VPS52: variants seen among roughly 807,000 people sequenced by gnomAD.
VPS52 encodes the protein vacuolar protein sorting-associated protein 52 homolog.
VPS52 carries 56 observed loss-of-function variants against 98.7 expected under a neutral mutation model. That is an observed-to-expected ratio of 0.57 (90% CI 0.46 to 0.71). VPS52 has a LOEUF of 0.71. Ranked by LOEUF, VPS52 falls within the 30% of genes least tolerant of loss-of-function variation. VPS52 has a pLI of 0.00. For missense variants in VPS52, 742 were observed against 925.9 expected, an observed-to-expected ratio of 0.80 and a Z score of 2.58; for synonymous variants, 348 against 346.4, an observed-to-expected ratio of 1.00 and a Z score of -0.05.
intron 1 of VPS52, 136 bp from the exon 2 acceptor site, chr6:33,270,419 AAG>A (rs1764875451): frequency 3.8e-6 from 3 of 779,886 alleles, no homozygotes; most frequent in Non-Finnish European, 6.2e-6. Context: ...GAAAAATTCT[AAG>A]AGTCTCACGT....
chr6:33,262,206 G>A (rs1224831637), intron 17 of VPS52, among the ~76,000 whole-genome samples: 3 of 151,936 alleles, frequency 2.0e-5, no homozygotes, highest in Non-Finnish European at 4.4e-5. Context: ...TTAAAAAATG[G>A]GCAAAAGATT....
intron 17 of VPS52, chr6:33,254,625 C>A (rs1762712610): frequency 6.6e-6 from 1 of 152,054 alleles, no homozygotes; most frequent in Non-Finnish European, 1.5e-5. Context: ...GATATATACA[C>A]CTGATTTTGA....
intron 4 of VPS52, 23 bp from the exon 5 acceptor site, chr6:33,269,580 G>A: frequency 6.2e-7 from 1 of 1,602,698 alleles, no homozygotes; most frequent in Non-Finnish European, 8.5e-7. Flanking sequence ...AAGTCAAGGG[G>A]CCTCATGGTG....
At chr6:33,271,505 C>G in intron 1 of VPS52, 81 bp downstream of exon 1, 1 of 1,545,254 alleles carries the variant, frequency 6.5e-7, no homozygotes, top group Non-Finnish European at 8.8e-7. Context: ...AAGTTCCCAC[C>G]CTTGTGCCTA....
chr6:33,264,718 C>T (rs751483385), intron 13 of VPS52, 64 bp downstream of exon 13: 1 of 1,511,642 alleles, frequency 6.6e-7, no homozygotes, highest in Non-Finnish European at 9.2e-7. Context: ...AAGGTCAGGG[C>T]AGAGTCATGC....
chr6:33,250,840 A>C lies in VPS52; in HGVS notation c.*1T>G. The stretch of plus-strand genomic sequence containing the variant: ...CAGATCTCAGGGCGGTTTCTGGCAC[A>C]TCAGAAGTTGGGCTTATGCTTCTTG... On this transcript the variant is annotated 3_prime_UTR_variant, in exon 20 of 20. Coordinates refer to ENST00000445902, the MANE Select transcript of VPS52 (RefSeq NM_022553.6). The C allele has an allele frequency of 6.2e-7, 1 of 1,610,238 alleles. No individual in the cohort carries two copies. The highest frequency in any genetic ancestry group is 1.3e-5 in the African/African-American group (1 of 74,966).
chr6:33,260,184 T>A (rs192555643), intron 17 of VPS52, among the ~76,000 whole-genome samples: 1 of 152,044 alleles, frequency 6.6e-6, no homozygotes, highest in African/African-American at 2.4e-5. Flanking sequence ...GATTCTGGGG[T>A]TTTTTGTTTT....
intron 17 of VPS52, among the ~76,000 whole-genome samples, chr6:33,257,931 C>A (rs1055374433): frequency 1.3e-5 from 2 of 152,138 alleles, no homozygotes; most frequent in African/African-American, 4.8e-5. Context: ...AGGAGGGTTG[C>A]CTGAGCCCAG....
rs1442363744 is a variant in VPS52 at position 33,268,374 on chromosome 6, C to G, written c.699+125G>C. The G allele has an allele frequency of 1.4e-6, 2 of 1,380,950 alleles. No homozygotes were observed. Among genetic ancestry groups the G allele is most frequent in the African/African-American group, 2.9e-5 (2 of 69,154 alleles). The allele number at this position is 1,380,950 out of a possible 1,614,324, so 85.5% of individuals were successfully genotyped here. A position where few individuals can be genotyped will look rare whatever the true frequency, so the allele number is the denominator to read the frequency against. ...ACCCAGAGAGACAAGAATGGGGCTG[C>G]CCAGAAAAGGCAGGGTGAAGTCCCT... On this transcript the variant is annotated intron_variant, in intron 7 of 19. Transcript: ENST00000445902. This position sits in a 1 kb window ranked among gnomAD's most constrained non-coding sequence, Gnocchi z 4.0.
intron 12 of VPS52, among the ~76,000 whole-genome samples, chr6:33,265,758 C>T (rs1478881051): frequency 2.6e-5 from 4 of 152,084 alleles, no homozygotes; most frequent in Non-Finnish European, 5.9e-5. Context: ...ATTTGGGGGA[C>T]CCTCAGTTTT....
In VPS52 at chr6:33,267,447, C is replaced by T. The variant is rs536842723; in HGVS notation, c.992-126G>A. The T allele has an allele frequency of 1.3e-5, 18 of 1,426,426 alleles. No individual in the cohort carries two copies. The highest frequency in any genetic ancestry group is 4.7e-5 in the East Asian group (2 of 42,870). The allele number at this position is 1,426,426 out of a possible 1,614,324, so 88.4% of individuals were successfully genotyped here. Reference sequence around the variant, plus strand: ...CCTCTTTCCCAGTACTAGGGCCCCACGTGCTGACATCTGTGAATGGGCTTC... The same window carrying T: ...CCTCTTTCCCAGTACTAGGGCCCCATGTGCTGACATCTGTGAATGGGCTTC... On this transcript the variant is annotated intron_variant, in intron 10 of 19. Coordinates refer to ENST00000445902, the MANE Select transcript of VPS52 (RefSeq NM_022553.6). This position sits in a 1 kb window ranked among gnomAD's most constrained non-coding sequence, Gnocchi z 4.2.
Position 33,266,662 on chromosome 6 carries a change from A to G in VPS52, c.1176T>C (p.Asn392=). 6.2e-7 allele frequency: 1 copy of G among 1,612,946 alleles called. No homozygotes were observed. Among genetic ancestry groups the G allele is most frequent in the Non-Finnish European group, 8.5e-7 (1 of 1,179,960 alleles). Residue 392 remains asparagine (N), a synonymous_variant, in exon 12 of 20, where the codon AAT becomes AAC. Transcript: ENST00000445902. The stretch of plus-strand genomic sequence containing the variant: ...AGATGAAAAGGTATTCGCGGCAGGA[A>G]TTGTCTAGGAGGGCGTAGTGCTGGC... ...FRSQHYALLD[N]SCREYLFICE...
intron 11 of VPS52, 50 bp from the exon 12 acceptor site, chr6:33,266,762 C>T (rs763563394): frequency 3.2e-6 from 5 of 1,559,140 alleles, no homozygotes; most frequent in Non-Finnish European, 4.3e-6. Flanking sequence ...GACCCCAACA[C>T]TGACTTCCCA....
chr6:33,252,185 G>A (rs1436974446), intron 17 of VPS52, among the ~76,000 whole-genome samples: 1 of 152,194 alleles, frequency 6.6e-6, no homozygotes, highest in East Asian at 1.9e-4. Flanking sequence ...AAGATCACTA[G>A]ACACAAAAGA....
Position 33,250,991 on chromosome 6 carries a change from G to A in VPS52, c.2026-4C>T. 5 of 1,613,030 alleles carry A rather than the reference G, an allele frequency of 3.1e-6. No homozygotes were observed. The highest frequency in any genetic ancestry group is 1.1e-5 in the South Asian group (1 of 91,086). On this transcript the variant is annotated splice_region_variant and splice_polypyrimidine_tract_variant and intron_variant, in intron 19 of 19. Coordinates refer to ENST00000445902, the MANE Select transcript of VPS52 (RefSeq NM_022553.6). ...GGATCAGCTGGGTCAGCGCTCCCTG[G>A]TCAAAGAAAGTCATTGAGGGATCAA... is the stretch of plus-strand genomic sequence containing the variant.
Position 33,268,926 on chromosome 6 carries a change from G to T in VPS52, c.548+88C>A. The T allele has an allele frequency of 6.6e-7, 1 of 1,515,698 alleles. No homozygotes were observed. The allele number at this position is 1,515,698 out of a possible 1,614,324, so 93.9% of individuals were successfully genotyped here. A position where few individuals can be genotyped will look rare whatever the true frequency, so the allele number is the denominator to read the frequency against. On this transcript the variant is annotated intron_variant, in intron 6 of 19. Coordinates refer to ENST00000445902, the MANE Select transcript of VPS52 (RefSeq NM_022553.6). This position sits in a 1 kb window ranked among gnomAD's most constrained non-coding sequence, Gnocchi z 4.0. ...ATTTCTAAAAAGCACTTAACCTGGA[G>T]CCAGGAGACCCATATGGTAAATAGG...
Position 33,251,850 on chromosome 6 carries a change from T to G in VPS52, c.1906+10A>C, listed in dbSNP as rs1413785042. Reference sequence around the variant, plus strand: ...CCACTGATCCCATCATTACCATATTTTCCTCATACCTTCTTCCCCTCGAAG... The same window carrying G: ...CCACTGATCCCATCATTACCATATTGTCCTCATACCTTCTTCCCCTCGAAG... On this transcript the variant is annotated intron_variant, in intron 18 of 19. Coordinates refer to ENST00000445902, the MANE Select transcript of VPS52 (RefSeq NM_022553.6). 1.2e-6 allele frequency: 2 copies of G among 1,613,362 alleles called. No homozygotes were observed. The highest frequency in any genetic ancestry group is 1.7e-6 in the Non-Finnish European group (2 of 1,179,806).
At chr6:33,251,675 C>G (rs770657291) in intron 18 of VPS52, 39 bp from the exon 19 acceptor site, 9 of 1,544,312 alleles carry the variant, frequency 5.8e-6, no homozygotes, top group South Asian at 5.7e-5. Context: ...AGGGATCTGG[C>G]TGATCTTCAA....
rs1764660519 is a variant in VPS52 at position 33,268,897 on chromosome 6, A to T, written c.548+117T>A. The T allele has an allele frequency of 7.3e-7, 1 of 1,363,662 alleles. No individual in the cohort carries two copies. The highest frequency in any genetic ancestry group is 1.0e-6 in the Non-Finnish European group (1 of 998,990). 84.5% of individuals were successfully genotyped at this position (1,363,662 alleles called of 1,614,324 possible). On this transcript the variant is annotated intron_variant, in intron 6 of 19. Coordinates refer to ENST00000445902, the MANE Select transcript of VPS52 (RefSeq NM_022553.6). The surrounding 1 kb of genome is among the most constrained non-coding windows in gnomAD (Gnocchi z 4.0). The stretch of plus-strand genomic sequence containing the variant: ...TAAAGAAATGGTGGTTAACCTGGCT[A>T]CTAATTTCTAAAAAGCACTTAACCT...
Sources: gnomAD v4.1 joint callset for allele counts (sites outside exome capture counted in the v4.1 genomes callset) on GRCh38, gnomAD v4.1.1 for gene constraint, Gnocchi (gnomAD v3.1) non-coding constraint, MANE v1.5 for transcripts, NCBI Gene and HGNC (gene_info 2026-07-23, HGNC 2026-07-21) for gene names.